The following NHSL3 variants were observed in gnomAD, a reference collection of about 807,000 sequenced individuals.
The protein encoded by NHSL3 is NHS-like protein 3.
the NHSL3 span, among the ~76,000 whole-genome samples, chr1:32,752,562 C>T: frequency 9.2e-5 from 14 of 152,220 alleles, no homozygotes; most frequent in East Asian, 2.5e-3. Flanking sequence ...GAGGTGGGAG[C>T]GCCAGGCAGC....
the NHSL3 span, among the ~76,000 whole-genome samples, chr1:32,746,056 C>T: frequency 6.6e-6 from 1 of 151,742 alleles, no homozygotes; most frequent in African/African-American, 2.4e-5. Flanking sequence ...TGGTGAAACC[C>T]TGTCTCTACT....
At chr1:32,754,204 G>T in the NHSL3 span, 1 of 708,398 alleles carries the variant, frequency 1.4e-6, no homozygotes, top group Non-Finnish European at 2.6e-6. Context: ...TGGGGGCGGG[G>T]CAGGCAGGGA....
the NHSL3 span, chr1:32,770,533 G>C: frequency 4.5e-6 from 7 of 1,538,652 alleles, no homozygotes; most frequent in Non-Finnish European, 5.3e-6. The surrounding 1 kb of genome is among the most constrained non-coding windows in gnomAD (Gnocchi z 8.3). Context: ...CAATAGCGTG[G>C]TACCCCCTCC....
the NHSL3 span, among the ~76,000 whole-genome samples, chr1:32,754,771 G>T: frequency 6.6e-6 from 1 of 152,160 alleles, no homozygotes; most frequent in East Asian, 1.9e-4. Flanking sequence ...CTGAAAGTTT[G>T]TAGGAGGGAG....
the NHSL3 span, among the ~76,000 whole-genome samples, chr1:32,757,628 T>C: frequency 3.9e-5 from 6 of 152,298 alleles, no homozygotes; most frequent in Non-Finnish European, 8.8e-5. Context: ...GTCCCTATGC[T>C]GTCCCTTTAC....
chr1:32,767,976 C>A, the NHSL3 span: 56 of 1,611,908 alleles, frequency 3.5e-5, no homozygotes, highest in Admixed American at 3.2e-4. Context: ...CCTCTCCACT[C>A]CCCTCCCCTC....
At chr1:32,745,322 G>GT in the NHSL3 span, among the ~76,000 whole-genome samples, 1 of 151,888 alleles carries the variant, frequency 6.6e-6, no homozygotes, top group Non-Finnish European at 1.5e-5. Context: ...CACTTTGGGA[G>GT]TTTGAGGTGG....
At chr1:32,762,428 G>T in the NHSL3 span, among the ~76,000 whole-genome samples, 5 of 137,320 alleles carry the variant, frequency 3.6e-5, no homozygotes, top group Non-Finnish European at 8.2e-5. Context: ...GTTATCAGGG[G>T]AATCTTTTTT....
the NHSL3 span, chr1:32,769,675 T>A: frequency 1.9e-6 from 3 of 1,611,164 alleles, no homozygotes; most frequent in Non-Finnish European, 2.5e-6. Flanking sequence ...GCCCCCAGGC[T>A]CCACCTTCCG....
the NHSL3 span, among the ~76,000 whole-genome samples, chr1:32,743,039 C>G: frequency 6.6e-6 from 1 of 152,228 alleles, no homozygotes; most frequent in East Asian, 1.9e-4. Context: ...GCCGACCTGG[C>G]CCATCCCTGC....
At chr1:32,768,276 C>T in the NHSL3 span, among the ~76,000 whole-genome samples, 1 of 152,016 alleles carries the variant, frequency 6.6e-6, no homozygotes, top group African/African-American at 2.4e-5. Context: ...CTAGGTGATG[C>T]TGGAGGGGAT....
the NHSL3 span, among the ~76,000 whole-genome samples, chr1:32,753,050 C>T: frequency 6.6e-6 from 1 of 150,462 alleles, no homozygotes; most frequent in Non-Finnish European, 1.5e-5. Context: ...CTCACTACAA[C>T]CTCCACCTCC....
the NHSL3 span, among the ~76,000 whole-genome samples, chr1:32,742,683 G>A: frequency 5.5e-4 from 84 of 152,350 alleles, no homozygotes; most frequent in African/African-American, 2.0e-3. Context: ...ACCTCACATG[G>A]AGCACAGTGT....
the NHSL3 span, chr1:32,770,558 G>A: frequency 6.6e-7 from 1 of 1,525,568 alleles, no homozygotes; most frequent in Admixed American, 2.1e-5. The surrounding 1 kb of genome is among the most constrained non-coding windows in gnomAD (Gnocchi z 8.3). Context: ...GGAGGCAGTG[G>A]GAGGGGCTCT....
the NHSL3 span, among the ~76,000 whole-genome samples, chr1:32,764,478 T>C: frequency 3.3e-5 from 5 of 151,904 alleles, no homozygotes; most frequent in Non-Finnish European, 2.9e-5. Context: ...TTTCTTTTTT[T>C]TTTTTTTGAA....
chr1:32,760,677 G>A, the NHSL3 span, among the ~76,000 whole-genome samples: 1 of 150,876 alleles, frequency 6.6e-6, no homozygotes, highest in Non-Finnish European at 1.5e-5. Flanking sequence ...TGCAACCTTC[G>A]CCTCCTGGGT....
the NHSL3 span, chr1:32,765,571 G>A: frequency 6.9e-7 from 1 of 1,453,188 alleles, no homozygotes; most frequent in Admixed American, 2.2e-5. Flanking sequence ...GGGGTCGGCA[G>A]ATGGGCGGGA....
At chr1:32,771,721 G>A in the NHSL3 span, 15 of 1,613,342 alleles carry the variant, frequency 9.3e-6, no homozygotes, top group East Asian at 2.2e-5. Flanking sequence ...TGCTAGTTCC[G>A]CCCCAGGGCA....
the NHSL3 span, among the ~76,000 whole-genome samples, chr1:32,746,848 A>G: frequency 1.3e-5 from 2 of 152,158 alleles, no homozygotes; most frequent in Non-Finnish European, 2.9e-5. Context: ...CTAGAGTTTT[A>G]GACAAAACCA....
Sources: allele counts gnomAD v4.1 joint callset (sites outside exome capture counted in the v4.1 genomes callset), GRCh38; gene constraint gnomAD v4.1.1; non-coding constraint Gnocchi (gnomAD v3.1); transcripts MANE v1.5; gene names NCBI Gene and HGNC (gene_info 2026-07-23, HGNC 2026-07-21).